The following FAM107B variants were observed in gnomAD, a reference collection of about 807,000 sequenced individuals.
FAM107B encodes the protein family with sequence similarity 107 member B.
FAM107B carries 21 observed loss-of-function variants against 31.5 expected under a neutral mutation model. The ratio of observed to expected loss-of-function variants is 0.67; its 90% CI spans 0.47 to 0.96. The LOEUF (loss-of-function observed/expected upper bound fraction) is 0.96. Among genes scored for constraint, FAM107B ranks in the 40% least tolerant of loss-of-function variants. The probability of loss-of-function intolerance (pLI) is 0.00; values close to 1 mark genes in which losing one functional copy is unlikely to be tolerated. For synonymous variants in FAM107B, 157 were observed against 141.5 expected (o/e 1.11, Z -0.78); for missense variants, 452 against 377.1 (o/e 1.20, Z -1.64).
At chr10:14,730,071 G>A (rs1297056966) in intron 1 of FAM107B, among the ~76,000 whole-genome samples, 2 of 152,130 alleles carry the variant, frequency 1.3e-5, no homozygotes, top group African/African-American at 4.8e-5. Context: ...AGAGCATTAG[G>A]ACAAATACCT....
intron 2 of FAM107B, among the ~76,000 whole-genome samples, chr10:14,547,680 T>C (rs1848824975): frequency 6.6e-6 from 1 of 152,214 alleles, no homozygotes; most frequent in Non-Finnish European, 1.5e-5. Context: ...TCAGCCTGTA[T>C]TTCACTTTTG....
chr10:14,591,360 T>C (rs1290152889), intron 2 of FAM107B, among the ~76,000 whole-genome samples: 1 of 152,194 alleles, frequency 6.6e-6, no homozygotes, highest in Non-Finnish European at 1.5e-5. Context: ...CAGGGTAACA[T>C]CCACAGAAGA....
At chr10:14,675,672 A>T (rs908971579) in intron 1 of FAM107B, among the ~76,000 whole-genome samples, 1 of 152,212 alleles carries the variant, frequency 6.6e-6, no homozygotes, top group Admixed American at 6.5e-5. Context: ...TAGGAGCCAT[A>T]TAACAAAGAA....
chr10:14,760,112 T>C (rs776799747), intron 1 of FAM107B, among the ~76,000 whole-genome samples: 5 of 152,246 alleles, frequency 3.3e-5, no homozygotes, highest in Non-Finnish European at 7.3e-5. Context: ...TAAGGCCACG[T>C]GGGAGAATAG....
At chr10:14,612,910 C>CG (rs1852759370) in intron 2 of FAM107B, among the ~76,000 whole-genome samples, 1 of 152,076 alleles carries the variant, frequency 6.6e-6, no homozygotes, top group Non-Finnish European at 1.5e-5. Flanking sequence ...AATAAAAATT[C>CG]CTAGAAAAAT....
At chr10:14,742,037 T>C (rs1856452239) in intron 1 of FAM107B, among the ~76,000 whole-genome samples, 1 of 151,760 alleles carries the variant, frequency 6.6e-6, no homozygotes. Flanking sequence ...TCTGAATAAA[T>C]TTTGCCCATG....
chr10:14,535,318 C>T (rs1160898140), intron 2 of FAM107B, among the ~76,000 whole-genome samples: 1 of 152,152 alleles, frequency 6.6e-6, no homozygotes, highest in Admixed American at 6.5e-5. Flanking sequence ...GCTGTAAAAA[C>T]TGAGTAAAAT....
intron 2 of FAM107B, among the ~76,000 whole-genome samples, chr10:14,538,178 T>C (rs564838795): frequency 2.6e-5 from 4 of 152,310 alleles, no homozygotes; most frequent in African/African-American, 7.2e-5. Context: ...ACAGAAAACA[T>C]CTTGCAAAGG....
chr10:14,569,408 T>C (rs1462820015), intron 2 of FAM107B, among the ~76,000 whole-genome samples: 1 of 151,576 alleles, frequency 6.6e-6, no homozygotes, highest in African/African-American at 2.4e-5. Flanking sequence ...CATATGTGTG[T>C]GTGTGTGCAT....
chr10:14,667,525 AT>A, intron 2 of FAM107B, 108 bp downstream of exon 2: 4 of 1,079,272 alleles, frequency 3.7e-6, no homozygotes, highest in Non-Finnish European at 5.5e-6. Context: ...GTTTCCAATC[AT>A]TTGGAACATA....
At chr10:14,572,546 T>A (rs1364949149) in intron 2 of FAM107B, among the ~76,000 whole-genome samples, 2 of 151,664 alleles carry the variant, frequency 1.3e-5, no homozygotes, top group Non-Finnish European at 2.9e-5. Context: ...AAGAATTTTC[T>A]ATGGGGAAGG....
chr10:14,717,375 A>G (rs1334999770), intron 1 of FAM107B, among the ~76,000 whole-genome samples: 1 of 152,170 alleles, frequency 6.6e-6, no homozygotes, highest in Admixed American at 6.5e-5. Flanking sequence ...GAGGTCTCCC[A>G]GTAGGCATCA....
intron 3 of FAM107B, among the ~76,000 whole-genome samples, chr10:14,527,514 A>G (rs536480478): frequency 1.4e-4 from 21 of 152,378 alleles, no homozygotes; most frequent in Admixed American, 1.2e-3. Context: ...TAGCAAAGGT[A>G]TAAGTCTCCA....
chr10:14,675,158 G>A (rs1355251977), intron 1 of FAM107B, among the ~76,000 whole-genome samples: 2 of 152,052 alleles, frequency 1.3e-5, no homozygotes, highest in African/African-American at 4.8e-5. Context: ...GGTGCATTAA[G>A]TGTTAAATCA....
intron 2 of FAM107B, among the ~76,000 whole-genome samples, chr10:14,535,065 C>T (rs576986125): frequency 2.6e-5 from 4 of 152,286 alleles, no homozygotes; most frequent in East Asian, 3.9e-4. Context: ...TCTAGAGGTA[C>T]AAGTACTTTG....
chr10:14,525,502 G>A (rs560354846), intron 3 of FAM107B, among the ~76,000 whole-genome samples: 1 of 152,284 alleles, frequency 6.6e-6, no homozygotes, highest in Non-Finnish European at 1.5e-5. Flanking sequence ...CCACTCCATC[G>A]CAAATGTTCT....
At chr10:14,646,020 C>T (rs1236592275) in intron 2 of FAM107B, among the ~76,000 whole-genome samples, 1 of 151,968 alleles carries the variant, frequency 6.6e-6, no homozygotes, top group African/African-American at 2.4e-5. Flanking sequence ...TCCAGTTGAC[C>T]ACTCTGCAAG....
intron 2 of FAM107B, among the ~76,000 whole-genome samples, chr10:14,538,073 T>C (rs1197937289): frequency 6.6e-6 from 1 of 152,192 alleles, no homozygotes; most frequent in Admixed American, 6.5e-5. Context: ...GCTGGGATGA[T>C]GGATGGACGA....
chr10:14,721,682 T>C, intron 1 of FAM107B, among the ~76,000 whole-genome samples: 1 of 152,232 alleles, frequency 6.6e-6, no homozygotes, highest in East Asian at 1.9e-4. Context: ...CACCCACTTT[T>C]TGTTGGGGTT....
Sources: gnomAD v4.1 joint callset for allele counts (sites outside exome capture counted in the v4.1 genomes callset) on GRCh38, gnomAD v4.1.1 for gene constraint, MANE v1.5 for transcripts, NCBI Gene and HGNC (gene_info 2026-07-23, HGNC 2026-07-21) for gene names.